EEFSEC: variants seen among roughly 807,000 people sequenced by gnomAD.
EEFSEC encodes eukaryotic elongation factor, selenocysteine-tRNA specific.
EEFSEC carries 43 observed loss-of-function variants against 42.1 expected under a neutral mutation model. That is an observed-to-expected ratio of 1.02 (90% CI 0.80 to 1.32). The LOEUF (loss-of-function observed/expected upper bound fraction) is 1.32, where lower values mean the gene tolerates loss of function less well. Among genes scored for constraint, EEFSEC ranks in the 40% most tolerant of loss-of-function variants. The pLI is 0.00. For missense variants in EEFSEC, 745 were observed against 803.6 expected, an observed-to-expected ratio of 0.93 and a Z score of 0.88; for synonymous variants, 354 against 339.1, an observed-to-expected ratio of 1.04 and a Z score of -0.48.
chr3:128,416,155 C>T, the EEFSEC span, among the ~76,000 whole-genome samples: 11 of 152,164 alleles, frequency 7.2e-5, no homozygotes, highest in East Asian at 7.7e-4. Flanking sequence ...AAGCATCTCC[C>T]GGTGGCCGGA....
chr3:128,417,833 C>T, the EEFSEC span, among the ~76,000 whole-genome samples: 4 of 152,116 alleles, frequency 2.6e-5, no homozygotes, highest in East Asian at 1.9e-4. The surrounding 1 kb of genome is among the most constrained non-coding windows in gnomAD (Gnocchi z 4.3). Context: ...ATGTGCACTC[C>T]GGTTCACATG....
In EEFSEC at chr3:128,285,281, C is replaced by T. The variant is rs866613998; in HGVS notation, c.786+20500C>T. ...TGTGTGGGGAAGAAGGTGCCTCTGGCGTGGGAGCTATGGTGCTGCAGAGCC... is the reference window on the plus strand; with the variant it reads ...TGTGTGGGGAAGAAGGTGCCTCTGGTGTGGGAGCTATGGTGCTGCAGAGCC... On this transcript the variant is annotated intron_variant, in intron 4 of 6. Transcript: ENST00000254730. Among the ~76,000 whole-genome samples the T allele has an allele frequency of 4.6e-5, 7 of 152,148 alleles. No homozygotes were observed. The South Asian group carries it at 6.2e-4, about 14-fold the overall frequency.
chr3:128,243,200 G>A (rs1424832831), intron 1 of EEFSEC, among the ~76,000 whole-genome samples: 1 of 152,210 alleles, frequency 6.6e-6, no homozygotes, highest in Non-Finnish European at 1.5e-5. Context: ...GCGCTGCACG[G>A]GGTCCGCTCA....
chr3:128,243,171 G>A (rs970547732), intron 1 of EEFSEC, among the ~76,000 whole-genome samples: 2 of 152,224 alleles, frequency 1.3e-5, no homozygotes, highest in African/African-American at 4.8e-5. Flanking sequence ...GGGCTCCTTA[G>A]AAGTCCCTGG....
chr3:128,421,821 A>G, the EEFSEC span, among the ~76,000 whole-genome samples: 3 of 152,156 alleles, frequency 2.0e-5, no homozygotes, highest in East Asian at 5.8e-4. Flanking sequence ...CCAGGGGACC[A>G]CATTAGGGTC....
intron 4 of EEFSEC, among the ~76,000 whole-genome samples, chr3:128,320,392 G>A (rs949859917): frequency 1.3e-5 from 2 of 152,152 alleles, no homozygotes; most frequent in African/African-American, 4.8e-5. Context: ...AATTTATATT[G>A]AACAACTTCT....
At chr3:128,169,324 C>T (rs565035883) in intron 1 of EEFSEC, among the ~76,000 whole-genome samples, 3 of 152,294 alleles carry the variant, frequency 2.0e-5, no homozygotes, top group East Asian at 1.9e-4. Flanking sequence ...GGGCTAGCTA[C>T]GAGTGAGAGG....
intron 1 of EEFSEC, among the ~76,000 whole-genome samples, chr3:128,208,172 C>T (rs1349246251): frequency 6.6e-6 from 1 of 152,164 alleles, no homozygotes; most frequent in Non-Finnish European, 1.5e-5. Flanking sequence ...GTGGGGCTGC[C>T]TCAAGTTTCC....
At chr3:128,355,593 T>C (rs113259190) in intron 5 of EEFSEC, among the ~76,000 whole-genome samples, 4 of 138,880 alleles carry the variant, frequency 2.9e-5, no homozygotes, top group Middle Eastern at 4.0e-3. Flanking sequence ...GTATCAGTTA[T>C]AGCTGAATGA....
intron 1 of EEFSEC, among the ~76,000 whole-genome samples, chr3:128,233,944 T>C (rs1331814559): frequency 6.6e-6 from 1 of 152,242 alleles, no homozygotes; most frequent in Non-Finnish European, 1.5e-5. Flanking sequence ...ATTGAAATAA[T>C]GTGCCTGGTG....
chr3:128,251,604 T>C (rs937951900), intron 2 of EEFSEC, among the ~76,000 whole-genome samples: 2 of 152,226 alleles, frequency 1.3e-5, no homozygotes, highest in African/African-American at 4.8e-5. Flanking sequence ...TATGTGTGAA[T>C]TATGCCCATG....
intron 6 of EEFSEC, among the ~76,000 whole-genome samples, chr3:128,374,549 G>C (rs939022277): frequency 4.6e-5 from 7 of 152,034 alleles, no homozygotes; most frequent in Admixed American, 1.3e-4. Context: ...TTTCTACTGG[G>C]GACCCCATTC....
the EEFSEC span, among the ~76,000 whole-genome samples, chr3:128,417,054 G>C: frequency 6.6e-6 from 1 of 152,020 alleles, no homozygotes; most frequent in East Asian, 1.9e-4. This position sits in a 1 kb window ranked among gnomAD's most constrained non-coding sequence, Gnocchi z 4.3. Context: ...CACCTTCAAA[G>C]CCTGTCCCGA....
chr3:128,395,827 G>A (rs1297641013), intron 6 of EEFSEC, among the ~76,000 whole-genome samples: 1 of 152,226 alleles, frequency 6.6e-6, no homozygotes, highest in Non-Finnish European at 1.5e-5. Flanking sequence ...TGATCAGAAT[G>A]GCAGTGGCCT....
At chr3:128,250,910 G>GTTTTTTTTTTTTTT (rs1559886787) in intron 2 of EEFSEC, among the ~76,000 whole-genome samples, 1 of 34,530 alleles carries the variant, frequency 2.9e-5, no homozygotes, top group African/African-American at 7.3e-5. Context: ...AGTTTTTTTT[G>GTTTTTTTTTTTTTT]GTTTTTTTTT....
intron 6 of EEFSEC, among the ~76,000 whole-genome samples, chr3:128,406,059 C>A (rs1043182947): frequency 1.3e-5 from 2 of 152,224 alleles, no homozygotes; most frequent in African/African-American, 4.8e-5. Context: ...ACCAGGACCC[C>A]CCAGTGGGGC....
At chr3:128,356,263 A>G (rs2067452911) in intron 5 of EEFSEC, among the ~76,000 whole-genome samples, 2 of 152,182 alleles carry the variant, frequency 1.3e-5, no homozygotes, top group South Asian at 4.1e-4. Flanking sequence ...TGTTTCTCTG[A>G]GAAAGTTGTA....
chr3:128,232,708 T>C (rs1434898998), intron 1 of EEFSEC, among the ~76,000 whole-genome samples: 1 of 152,228 alleles, frequency 6.6e-6, no homozygotes, highest in East Asian at 1.9e-4. Context: ...TTTTCACTGC[T>C]CTTGAACGGG....
chr3:128,251,564 C>T (rs776801321), intron 2 of EEFSEC, among the ~76,000 whole-genome samples: 5 of 152,086 alleles, frequency 3.3e-5, no homozygotes, highest in African/African-American at 4.8e-5. Context: ...TTCTTTATTT[C>T]CTGAAGTGTT....
Sources: allele counts gnomAD v4.1 joint callset (sites outside exome capture counted in the v4.1 genomes callset), GRCh38; gene constraint gnomAD v4.1.1; non-coding constraint Gnocchi (gnomAD v3.1); transcripts MANE v1.5; gene names NCBI Gene and HGNC (gene_info 2026-07-23, HGNC 2026-07-21).